STRBP: variants seen among roughly 807,000 people sequenced by gnomAD.
STRBP encodes the protein spermatid perinuclear RNA binding protein, also known as spermatid perinuclear RNA-binding protein.
Under a neutral mutation model 80.1 loss-of-function variants are expected in STRBP, and 13 were observed. That is an observed-to-expected ratio of 0.16 (90% CI 0.11 to 0.26). The LOEUF is 0.26. STRBP is among the 10% of genes least tolerant of loss of function. The pLI is 1.00. For synonymous variants in STRBP, 284 were observed against 291.2 expected, an observed-to-expected ratio of 0.98 and a Z score of 0.25; for missense variants, 485 against 815.2, an observed-to-expected ratio of 0.59 and a Z score of 4.93.
intron 6 of STRBP, among the ~76,000 whole-genome samples, chr9:123,162,086 C>T (rs1394446276): frequency 2.6e-5 from 4 of 152,144 alleles, no homozygotes; most frequent in African/African-American, 2.4e-5. Context: ...ATAGTAACAT[C>T]GGATAGAGGT....
chr9:123,160,256 G>A (rs931375949), intron 8 of STRBP, 111 bp downstream of exon 8: 3 of 602,356 alleles, frequency 5.0e-6, no homozygotes, highest in Non-Finnish European at 8.0e-6. Context: ...CATACATAAT[G>A]CATGCCTTAG....
chr9:123,132,802 C>T (rs770257501), intron 17 of STRBP, 43 bp downstream of exon 17: 17 of 1,605,228 alleles, frequency 1.1e-5, no homozygotes, highest in East Asian at 2.2e-5. Context: ...CTTTGAATTT[C>T]GGCCCAGTAA....
chr9:123,121,880 A>G lies in STRBP; in HGVS notation c.*3717T>C, dbSNP rs1272570414. The G allele has an allele frequency of 1.3e-5, 2 of 154,052 alleles. No homozygotes were observed. The highest frequency in any genetic ancestry group is 2.4e-5 in the African/African-American group (1 of 41,392). The allele number at this position is 154,052 out of a possible 1,614,324, so 9.5% of individuals were successfully genotyped here. A position where few individuals can be genotyped will look rare whatever the true frequency, so the allele number is the denominator to read the frequency against. Reference sequence around the variant, plus strand: ...AAATCTTCTTAGATGAACTGTTCCTATCACTGAATTCTTACATTTAAACAG... The same window carrying G: ...AAATCTTCTTAGATGAACTGTTCCTGTCACTGAATTCTTACATTTAAACAG... On this transcript the variant is annotated 3_prime_UTR_variant, in exon 19 of 19. Transcript: ENST00000348403.
intron 2 of STRBP, among the ~76,000 whole-genome samples, chr9:123,185,117 C>A (rs2038644114): frequency 6.6e-6 from 1 of 150,992 alleles, no homozygotes; most frequent in Admixed American, 6.6e-5. Context: ...AAAACCAGAA[C>A]ATCAAAATAC....
Position 123,158,840 on chromosome 9 carries a change from G to A in STRBP, c.835+256C>T, listed in dbSNP as rs1268255343. On this transcript the variant is annotated intron_variant, in intron 9 of 18. Coordinates refer to ENST00000348403, the MANE Select transcript of STRBP (RefSeq NM_018387.5). ...ATCTGCAATTTCAAATTCAGAGTTC[G>A]AGGTAAAGCAAATTCAAAGCAGACA... Among the ~76,000 whole-genome samples the A allele has an allele frequency of 2.6e-5, 4 of 152,244 alleles. No homozygotes were observed. The East Asian group carries it at 5.8e-4, about 22-fold the overall frequency.
intron 16 of STRBP, among the ~76,000 whole-genome samples, chr9:123,133,518 G>A (rs1235109534): frequency 6.6e-6 from 1 of 151,798 alleles, no homozygotes; most frequent in African/African-American, 2.4e-5. Context: ...GTGTATGTAT[G>A]TATCCACTAC....
At chr9:123,242,887 A>C (rs1348306696) in intron 1 of STRBP, among the ~76,000 whole-genome samples, 1 of 152,244 alleles carries the variant, frequency 6.6e-6, no homozygotes, top group Non-Finnish European at 1.5e-5. Flanking sequence ...GACACTCCAC[A>C]GTAAAAATGT....
Position 123,139,599 on chromosome 9 carries a change from T to G in STRBP, c.1427A>C (p.Asn476Thr). The G allele has an allele frequency of 1.2e-6, 2 of 1,613,242 alleles. No individual in the cohort carries two copies. Among genetic ancestry groups the G allele is most frequent in the Non-Finnish European group, 1.7e-6 (2 of 1,179,840 alleles). Residue 476 changes from asparagine to threonine, a missense_variant, in exon 14 of 19, where the codon AAT becomes ACT. By Grantham distance (65) the Asn-to-Thr change is moderately conservative. Coordinates refer to ENST00000348403, the MANE Select transcript of STRBP (RefSeq NM_018387.5). Reference protein sequence around the residue: ...SDEKSDNESKNETVSSNSSNN... With the variant: ...SDEKSDNESKTETVSSNSSNN... ...GCTTGAGTTTGAAGACACTGTTTCA[T>G]TTTTACTTTCATTATCTGATTTTTC... is the stretch of plus-strand genomic sequence containing the variant.
At chr9:123,216,835 A>T (rs1450243343) in intron 2 of STRBP, among the ~76,000 whole-genome samples, 1 of 152,160 alleles carries the variant, frequency 6.6e-6, no homozygotes, top group Admixed American at 6.5e-5. Context: ...ATTCACATCA[A>T]CTCTACAAGG....
intron 1 of STRBP, among the ~76,000 whole-genome samples, chr9:123,239,104 G>A (rs1036547563): frequency 2.0e-5 from 3 of 152,144 alleles, no homozygotes; most frequent in Non-Finnish European, 2.9e-5. Context: ...GGCTGGGCGC[G>A]GTAGCTCACG....
At chr9:123,179,375 G>A (rs925547466) in intron 3 of STRBP, 148 bp from the exon 4 acceptor site, 56 of 643,480 alleles carry the variant, frequency 8.7e-5, no homozygotes, top group Admixed American at 1.2e-4. Flanking sequence ...CTGCTCCAGC[G>A]TGGGAAGTAA....
intron 2 of STRBP, among the ~76,000 whole-genome samples, chr9:123,223,463 G>C (rs2040137968): frequency 1.3e-5 from 2 of 152,142 alleles, no homozygotes; most frequent in Non-Finnish European, 2.9e-5. Flanking sequence ...TGAGGGGATA[G>C]AATGATATGA....
chr9:123,161,115 C>A, intron 6 of STRBP, 47 bp from the exon 7 acceptor site: 1 of 1,293,154 alleles, frequency 7.7e-7, no homozygotes, highest in Non-Finnish European at 1.1e-6. Flanking sequence ...TTTGACCAAG[C>A]GATTCCTATC....
At chr9:123,202,635 G>A (rs548719219) in intron 2 of STRBP, among the ~76,000 whole-genome samples, 6 of 152,184 alleles carry the variant, frequency 3.9e-5, no homozygotes, top group Admixed American at 6.5e-5. Flanking sequence ...ACTGGCTTTA[G>A]AATTCTTTCC....
intron 12 of STRBP, 78 bp downstream of exon 12, chr9:123,147,698 AAC>A: frequency 2.9e-5 from 32 of 1,099,390 alleles, no homozygotes; most frequent in East Asian, 5.7e-5. Flanking sequence ...AAAAAAAAAA[AAC>A]CCTTCACTTT....
intron 11 of STRBP, among the ~76,000 whole-genome samples, chr9:123,152,569 C>T (rs1444940656): frequency 6.6e-6 from 1 of 151,882 alleles, no homozygotes; most frequent in Admixed American, 6.6e-5. Context: ...TATTGACACA[C>T]ACAACAACTT....
In STRBP at chr9:123,122,211, C is replaced by A; in HGVS notation, c.*3386G>T. 1 of 763,828 alleles carries A rather than the reference C, an allele frequency of 1.3e-6. No homozygotes were observed. The highest frequency in any genetic ancestry group is 1.9e-6 in the Non-Finnish European group (1 of 527,982). The allele number at this position is 763,828 out of a possible 1,614,324, so 47.3% of individuals were successfully genotyped here. On this transcript the variant is annotated 3_prime_UTR_variant, in exon 19 of 19. Transcript: ENST00000348403. ...AGCTTACCTTTGTATACTGAGATCA[C>A]AGCTTACAGTCACTATATCTCAGCC... is the stretch of plus-strand genomic sequence containing the variant.
intron 8 of STRBP, 115 bp downstream of exon 8, chr9:123,160,252 T>C (rs2037468219): frequency 1.7e-6 from 1 of 581,352 alleles, no homozygotes; most frequent in Non-Finnish European, 2.8e-6. Context: ...CAAACATACA[T>C]AATGCATGCC....
At chr9:123,258,542 G>A (rs997635188) in intron 1 of STRBP, among the ~76,000 whole-genome samples, 6 of 152,176 alleles carry the variant, frequency 3.9e-5, no homozygotes, top group Admixed American at 6.5e-5. Flanking sequence ...GGTGGCTCAC[G>A]CCTGTAATCC....
Sources: allele counts gnomAD v4.1 joint callset (sites outside exome capture counted in the v4.1 genomes callset), GRCh38; gene constraint gnomAD v4.1.1; transcripts MANE v1.5; gene names NCBI Gene and HGNC (gene_info 2026-07-23, HGNC 2026-07-21).